LAMA1: variants seen among roughly 807,000 people sequenced by gnomAD.
The protein encoded by LAMA1 is laminin subunit alpha 1, also known as laminin subunit alpha-1.
Under a neutral mutation model 348.7 loss-of-function variants are expected in LAMA1, and 219 were observed. That is an observed-to-expected ratio of 0.63 (90% confidence interval 0.56 to 0.70). LAMA1 has a LOEUF of 0.70. Among genes scored for constraint, LAMA1 ranks in the 30% least tolerant of loss-of-function variants. The pLI is 0.00. For missense variants in LAMA1, 3,744 were observed against 3,888.0 expected, an observed-to-expected ratio of 0.96 and a Z score of 0.99; for synonymous variants, 1,487 against 1,491.0, an observed-to-expected ratio of 1.00 and a Z score of 0.06.
At chr18:7,051,715 GA>G (rs769140120) in intron 3 of LAMA1, among the ~76,000 whole-genome samples, 25 of 152,110 alleles carry the variant, frequency 1.6e-4, no homozygotes, top group Non-Finnish European at 3.5e-4. Flanking sequence ...CTAAAATTGA[GA>G]AAAAAGTCAG....
intron 56 of LAMA1, 70 bp from the exon 57 acceptor site, chr18:6,955,535 G>A (rs760340779): frequency 9.9e-6 from 10 of 1,010,506 alleles, no homozygotes; most frequent in African/African-American, 6.3e-5. Context: ...CGCGTGTTCC[G>A]CCATGAAGGG....
intron 8 of LAMA1, chr18:7,042,816 G>A (rs1160111407): frequency 4.9e-6 from 1 of 202,438 alleles, no homozygotes. Context: ...CCGGGAGGTG[G>A]AGGTTGCAGT....
At chr18:6,999,824 TC>T in intron 31 of LAMA1, 86 bp downstream of exon 31, 1 of 1,328,746 alleles carries the variant, frequency 7.5e-7, no homozygotes, top group Non-Finnish European at 1.1e-6. Context: ...TGATAATGGC[TC>T]CCAGATTACT....
chr18:6,965,183 T>G, intron 50 of LAMA1, 105 bp downstream of exon 50: 1 of 1,421,014 alleles, frequency 7.0e-7, no homozygotes, highest in Non-Finnish European at 9.9e-7. Flanking sequence ...TAGACTATCA[T>G]TCAATACCCA....
chr18:6,964,752 T>C lies in LAMA1; in HGVS notation c.7247A>G (p.Gln2416Arg). 1.2e-6 allele frequency: 2 copies of C among 1,614,142 alleles called. No individual in the cohort carries two copies. The highest frequency in any genetic ancestry group is 2.2e-5 in the South Asian group (2 of 91,084). ...AYNTSNKETKQGETPGASSDL... is the reference protein window; with the variant it reads ...AYNTSNKETKRGETPGASSDL... The stretch of plus-strand genomic sequence containing the variant: ...AGAAGATGCTCCCGGAGTCTCGCCC[T>C]GCTTGGTTTCTTTATTACTGGTGTT... Residue 2416 changes from glutamine to arginine, a missense_variant, in exon 51 of 63, where the codon CAG (glutamine) becomes CGG (arginine). Physicochemically the swap from Gln to Arg is conservative, Grantham distance 43 (BLOSUM62 1). Coordinates refer to ENST00000389658, the MANE Select transcript of LAMA1 (RefSeq NM_005559.4).
chr18:7,101,573 C>A lies in LAMA1; in HGVS notation c.61+16087G>T, dbSNP rs115235220. ...ATCCAAGTTATTCTCTTGTGATTAT[C>A]TATGTGGTCAGATTGTAGGGACTAA... is the stretch of plus-strand genomic sequence containing the variant. On this transcript the variant is annotated intron_variant, in intron 1 of 62. Coordinates refer to ENST00000389658, the MANE Select transcript of LAMA1 (RefSeq NM_005559.4). Among the ~76,000 whole-genome samples, 592 of 152,344 alleles carry A rather than the reference C, an allele frequency of 3.9e-3. 6 individuals carry two copies. Among genetic ancestry groups the A allele is most frequent in the South Asian group, 0.019 (94 of 4,828 alleles).
Position 6,983,098 on chromosome 18 carries a change from C to G in LAMA1, c.5796+1G>C. 1 of 1,614,142 alleles carries G rather than the reference C, an allele frequency of 6.2e-7. No homozygotes were observed. Among genetic ancestry groups the G allele is most frequent in the Non-Finnish European group, 8.5e-7 (1 of 1,180,024 alleles). On this transcript the variant is annotated splice_donor_variant, in intron 40 of 62. Transcript: ENST00000389658. LOFTEE classifies it high-confidence loss of function. ...GAAAAAGAAGCCACGTCGTTTCCTA[C>G]CAGGCTCGTCTCAGTCACAGTCCTG...
intron 6 of LAMA1, among the ~76,000 whole-genome samples, chr18:7,045,368 G>A (rs1318130460): frequency 6.6e-6 from 1 of 152,068 alleles, no homozygotes; most frequent in Non-Finnish European, 1.5e-5. Flanking sequence ...TACTCAGGAG[G>A]CTGAAGCAAG....
intron 1 of LAMA1, among the ~76,000 whole-genome samples, chr18:7,105,387 TGA>T (rs2058307663): frequency 6.6e-6 from 1 of 151,922 alleles, no homozygotes; most frequent in African/African-American, 2.4e-5. Context: ...TGCAGTGAGC[TGA>T]GATCGCACCT....
intron 16 of LAMA1, among the ~76,000 whole-genome samples, chr18:7,031,636 G>A (rs551958260): frequency 1.3e-5 from 2 of 148,784 alleles, no homozygotes; most frequent in South Asian, 4.2e-4. Flanking sequence ...AGCAGTGTTG[G>A]TGCCACCACA....
chr18:7,019,192 C>T (rs985473645), intron 19 of LAMA1, among the ~76,000 whole-genome samples: 4 of 152,124 alleles, frequency 2.6e-5, no homozygotes, highest in African/African-American at 9.7e-5. Flanking sequence ...ACTGTTCTCC[C>T]TAAAGTCTCC....
At chr18:7,113,498 C>G (rs2058343756) in intron 1 of LAMA1, among the ~76,000 whole-genome samples, 1 of 152,054 alleles carries the variant, frequency 6.6e-6, no homozygotes, top group African/African-American at 2.4e-5. Flanking sequence ...AAAGGGCACA[C>G]CTTGGAAGAA....
intron 29 of LAMA1, among the ~76,000 whole-genome samples, chr18:7,004,983 T>C (rs184040245): frequency 1.1e-4 from 17 of 152,254 alleles, no homozygotes; most frequent in Admixed American, 3.9e-4. Flanking sequence ...GGCTGGGCCA[T>C]GGAGACACAG....
At chr18:6,974,290 G>T (rs892675620) in intron 46 of LAMA1, among the ~76,000 whole-genome samples, 8 of 151,738 alleles carry the variant, frequency 5.3e-5, no homozygotes, top group Admixed American at 3.9e-4. Flanking sequence ...ATACTTCTGA[G>T]GTGCAAAATG....
chr18:6,990,452 G>A lies in LAMA1; in HGVS notation c.5168+2109C>T, dbSNP rs1211958797. Among the ~76,000 whole-genome samples the A allele has an allele frequency of 2.0e-5, 3 of 152,254 alleles. No homozygotes were observed. In the East Asian group the frequency reaches 5.8e-4, roughly 30 times the overall value. On this transcript the variant is annotated intron_variant, in intron 36 of 62. Transcript: ENST00000389658. ...CCAACTCAGATGTGTGGGGGGCTGA[G>A]GAAGGTTAGGGAGCAGAGCCCCACC... is the stretch of plus-strand genomic sequence containing the variant.
chr18:7,107,523 G>A (rs1310780667), intron 1 of LAMA1, among the ~76,000 whole-genome samples: 1 of 152,038 alleles, frequency 6.6e-6, no homozygotes, highest in Non-Finnish European at 1.5e-5. Flanking sequence ...GAAGGCAGCC[G>A]AGAACAGGGC....
At chr18:7,015,213 T>A (rs892145551) in intron 22 of LAMA1, among the ~76,000 whole-genome samples, 4 of 152,144 alleles carry the variant, frequency 2.6e-5, no homozygotes, top group African/African-American at 9.7e-5. Flanking sequence ...GAATAAGGTG[T>A]CTTAAGGGTG....
chr18:7,050,829 A>G lies in LAMA1; in HGVS notation c.453T>C (p.Tyr151=). ...AACACTCTGAGTCGCTGACTGCATA[A>G]TACTGCCAGGGGCTGAACGTGGTGC... The part of the protein sequence containing the change: ...LDGTTFSPWQ[Y]YAVSDSECLS... Residue 151 remains tyrosine (Y), a synonymous_variant, in exon 4 of 63, where the codon TAT becomes TAC. Coordinates refer to ENST00000389658, the MANE Select transcript of LAMA1 (RefSeq NM_005559.4). 6.2e-7 allele frequency: 1 copy of G among 1,614,202 alleles called. No individual in the cohort carries two copies. Among genetic ancestry groups the G allele is most frequent in the South Asian group, 1.1e-5 (1 of 91,088 alleles).
intron 46 of LAMA1, 82 bp downstream of exon 46, chr18:6,974,820 AT>A: frequency 6.5e-7 from 1 of 1,537,508 alleles, no homozygotes; most frequent in Non-Finnish European, 9.0e-7. Flanking sequence ...TTCAAAGCCT[AT>A]TATATGATGT....
Sources: allele counts gnomAD v4.1 joint callset (sites outside exome capture counted in the v4.1 genomes callset), GRCh38; gene constraint gnomAD v4.1.1; transcripts MANE v1.5; gene names NCBI Gene and HGNC (gene_info 2026-07-23, HGNC 2026-07-21).